The following MAST2 variants were observed in gnomAD, a reference collection of about 807,000 sequenced individuals.
MAST2 encodes the protein microtubule-associated serine/threonine-protein kinase 2.
Under a neutral mutation model 147.4 loss-of-function variants are expected in MAST2, and 70 were observed. That is an observed-to-expected ratio of 0.47 (90% CI 0.39 to 0.58). MAST2 has a LOEUF of 0.58. MAST2 is among the 20% of genes least tolerant of loss of function. The pLI is 0.00. For missense variants in MAST2, 2,080 were observed against 2,302.3 expected (o/e 0.90, Z 1.98); for synonymous variants, 869 against 896.8 (o/e 0.97, Z 0.55).
chr1:45,863,589 A>G (rs1193992867), intron 3 of MAST2, among the ~76,000 whole-genome samples: 1 of 152,230 alleles, frequency 6.6e-6, no homozygotes, highest in East Asian at 1.9e-4. Context: ...AGTTGTAAAA[A>G]GACCAGAAAA....
At chr1:45,812,061 C>T (rs549726089) in intron 1 of MAST2, among the ~76,000 whole-genome samples, 4 of 152,232 alleles carry the variant, frequency 2.6e-5, no homozygotes, top group East Asian at 1.9e-4. Context: ...TGAGCCACCG[C>T]GCGCGGCACA....
chr1:46,033,438 T>TAA (rs140010156), intron 26 of MAST2, among the ~76,000 whole-genome samples: 10 of 137,304 alleles, frequency 7.3e-5, no homozygotes, highest in Admixed American at 2.9e-4. Flanking sequence ...GACTCTGTCT[T>TAA]AAAAAAAAAA....
intron 6 of MAST2, among the ~76,000 whole-genome samples, chr1:46,001,339 C>T (rs1162863465): frequency 6.6e-6 from 1 of 152,232 alleles, no homozygotes; most frequent in Non-Finnish European, 1.5e-5. Flanking sequence ...CTGGTGGCCC[C>T]TGCTGTTCAT....
chr1:45,828,107 A>G (rs1010875754), intron 2 of MAST2, among the ~76,000 whole-genome samples: 1 of 152,104 alleles, frequency 6.6e-6, no homozygotes. Context: ...CTGGGATTAC[A>G]TGTGTGAGCC....
intron 4 of MAST2, among the ~76,000 whole-genome samples, chr1:45,911,603 A>G (rs961424322): frequency 4.6e-5 from 7 of 152,140 alleles, no homozygotes; most frequent in African/African-American, 1.7e-4. Flanking sequence ...TAATTCATAT[A>G]TAGGTAACCA....
chr1:45,978,710 A>C (rs1166395931), intron 5 of MAST2, among the ~76,000 whole-genome samples: 1 of 152,220 alleles, frequency 6.6e-6, no homozygotes, highest in African/African-American at 2.4e-5. Flanking sequence ...AAAGTACAGA[A>C]ACAAGCAAAC....
At chr1:46,034,464 C>T in intron 28 of MAST2, 74 bp from the exon 29 acceptor site, 1 of 1,469,814 alleles carries the variant, frequency 6.8e-7, no homozygotes, top group Non-Finnish European at 9.3e-7. Context: ...TAAGCCCTGT[C>T]TTGCCCTTGA....
At chr1:45,820,576 A>G (rs904775710) in intron 1 of MAST2, among the ~76,000 whole-genome samples, 19 of 152,154 alleles carry the variant, frequency 1.2e-4, no homozygotes, top group Non-Finnish European at 2.9e-5. Context: ...TAAATATCAT[A>G]GATTTATAAT....
intron 5 of MAST2, among the ~76,000 whole-genome samples, chr1:45,973,983 G>A (rs1358371235): frequency 2.0e-5 from 3 of 152,216 alleles, no homozygotes; most frequent in Non-Finnish European, 4.4e-5. Context: ...GAGTTTTGCT[G>A]TTAGAGCAGA....
At chr1:46,006,515 G>T (rs1007898871) in intron 8 of MAST2, 120 bp downstream of exon 8, 11 of 882,056 alleles carry the variant, frequency 1.2e-5, no homozygotes, top group African/African-American at 1.7e-5. Flanking sequence ...AGGCTTTATA[G>T]GCCATATATC....
intron 1 of MAST2, among the ~76,000 whole-genome samples, chr1:45,814,224 A>G (rs1237302206): frequency 6.6e-6 from 1 of 152,194 alleles, no homozygotes; most frequent in East Asian, 1.9e-4. Context: ...ATTAAAAAAA[A>G]AAGTTAACTG....
chr1:45,814,692 C>A (rs1557796761), intron 1 of MAST2, among the ~76,000 whole-genome samples: 1 of 152,104 alleles, frequency 6.6e-6, no homozygotes, highest in Non-Finnish European at 1.5e-5. Flanking sequence ...GAGGCTGAGG[C>A]AGGAGAATTG....
chr1:45,921,521 A>G (rs551076774), intron 4 of MAST2, among the ~76,000 whole-genome samples: 9 of 152,294 alleles, frequency 5.9e-5, no homozygotes, highest in Admixed American at 4.6e-4. Flanking sequence ...GCAAGTGAGC[A>G]TAGGGTCCGG....
intron 5 of MAST2, among the ~76,000 whole-genome samples, chr1:45,977,487 TCAAACAAA>T (rs557332564): frequency 2.5e-4 from 36 of 146,382 alleles, no homozygotes; most frequent in African/African-American, 4.3e-4. Context: ...AAACTCTATC[TCAAACAAA>T]CAAACAAACA....
At chr1:45,874,910 T>G (rs1646536969) in intron 3 of MAST2, among the ~76,000 whole-genome samples, 1 of 152,148 alleles carries the variant, frequency 6.6e-6, no homozygotes, top group African/African-American at 2.4e-5. Flanking sequence ...TAAGCTGAAG[T>G]CCAGGAATGT....
At chr1:45,823,758 T>C (rs760550250) in intron 1 of MAST2, among the ~76,000 whole-genome samples, 6 of 152,210 alleles carry the variant, frequency 3.9e-5, no homozygotes, top group Non-Finnish European at 7.3e-5. Context: ...CTGATTTTTT[T>C]CGAAAGTTTC....
At chr1:45,824,706 G>A (rs1644737527) in intron 2 of MAST2, 126 bp downstream of exon 2, 1 of 960,710 alleles carries the variant, frequency 1.0e-6, no homozygotes, top group African/African-American at 1.7e-5. Context: ...AACATTTATG[G>A]TAAGGCTGTC....
At chr1:45,827,662 T>TA (rs1644835165) in intron 2 of MAST2, among the ~76,000 whole-genome samples, 2 of 151,936 alleles carry the variant, frequency 1.3e-5, no homozygotes, top group South Asian at 4.2e-4. Flanking sequence ...CATCATTATT[T>TA]TTTTTTTATG....
rs1646094748 is a variant in MAST2, at chr1:46,019,489, C to G, written c.1189-107C>G. The G allele has an allele frequency of 1.6e-5, 13 of 838,034 alleles. No homozygotes were observed. The South Asian group carries it at 1.6e-4, about 10-fold the overall frequency. 51.9% of individuals were successfully genotyped at this position (838,034 alleles called of 1,614,324 possible). On this transcript the variant is annotated intron_variant, in intron 10 of 28. Coordinates refer to ENST00000361297, the MANE Select transcript of MAST2 (RefSeq NM_015112.3). The stretch of plus-strand genomic sequence containing the variant: ...TGAGTTCCTTGCTTTGCGGAGCTCT[C>G]TATGCTACCGAATTGTTTCTCCCTG...
Sources: gnomAD v4.1 joint callset for allele counts (sites outside exome capture counted in the v4.1 genomes callset) on GRCh38, gnomAD v4.1.1 for gene constraint, MANE v1.5 for transcripts, NCBI Gene and HGNC (gene_info 2026-07-23, HGNC 2026-07-21) for gene names.